The following PCNX2 variants were observed in gnomAD, a reference collection of about 807,000 sequenced individuals.
The protein encoded by PCNX2 is pecanex 2.
In PCNX2, 168 loss-of-function variants were observed where a neutral mutation model predicts 223.8. The observed-to-expected ratio is 0.75, with a 90% CI of 0.66 to 0.85. The LOEUF (loss-of-function observed/expected upper bound fraction) is 0.85, where lower values mean the gene tolerates loss of function less well. PCNX2 is among the 40% of genes least tolerant of loss of function. The probability of loss-of-function intolerance (pLI) is 0.00; values close to 1 mark genes in which losing one functional copy is unlikely to be tolerated. For missense variants in PCNX2, 2,507 were observed against 2,675.5 expected, an observed-to-expected ratio of 0.94 and a Z score of 1.39; for synonymous variants, 1,006 against 1,052.6, an observed-to-expected ratio of 0.96 and a Z score of 0.86.
intron 28 of PCNX2, among the ~76,000 whole-genome samples, chr1:233,004,944 C>T (rs1405042556): frequency 6.6e-6 from 1 of 152,172 alleles, no homozygotes; most frequent in Admixed American, 6.5e-5. Context: ...CTATCAAAAG[C>T]TTTCTGGGGC....
intron 16 of PCNX2, among the ~76,000 whole-genome samples, chr1:233,178,101 G>A (rs955090879): frequency 6.6e-6 from 1 of 152,232 alleles, no homozygotes; most frequent in Non-Finnish European, 1.5e-5. Context: ...AATGAGAGCA[G>A]TCAAGTACCT....
the PCNX2 span, among the ~76,000 whole-genome samples, chr1:233,313,635 T>C: frequency 6.6e-6 from 1 of 152,054 alleles, no homozygotes; most frequent in Admixed American, 6.6e-5. Context: ...AGAAAAAATC[T>C]AGACAAATCA....
At chr1:233,055,606 T>C (rs937342468) in intron 24 of PCNX2, among the ~76,000 whole-genome samples, 3 of 152,098 alleles carry the variant, frequency 2.0e-5, no homozygotes, top group African/African-American at 4.8e-5. Flanking sequence ...GGAGTAAGCA[T>C]TGGGAGAAGC....
At chr1:233,071,723 A>C (rs935222744) in intron 23 of PCNX2, among the ~76,000 whole-genome samples, 1 of 152,166 alleles carries the variant, frequency 6.6e-6, no homozygotes, top group Non-Finnish European at 1.5e-5. Context: ...GAATTGCCAC[A>C]CTGATTTCCA....
chr1:233,273,506 C>T, intron 1 of PCNX2, among the ~76,000 whole-genome samples: 1 of 152,156 alleles, frequency 6.6e-6, no homozygotes, highest in East Asian at 1.9e-4. Flanking sequence ...TCCTTCTTTC[C>T]TTCTATCCAA....
At chr1:232,985,971 T>C (rs1220127828) in intron 33 of PCNX2, 121 bp downstream of exon 33, 7 of 1,108,246 alleles carry the variant, frequency 6.3e-6, no homozygotes, top group East Asian at 2.6e-5. Context: ...GGGAGCCCCA[T>C]AGAGAAGGGG....
intron 9 of PCNX2, 151 bp from the exon 10 acceptor site, chr1:233,227,522 T>TTGGTTTACATATCAG: frequency 2.6e-6 from 1 of 391,770 alleles, no homozygotes; most frequent in Non-Finnish European, 3.5e-6. Flanking sequence ...TTCTGATATG[T>TTGGTTTACATATCAG]AAACCAACAT....
the PCNX2 span, among the ~76,000 whole-genome samples, chr1:233,304,149 G>A: frequency 3.3e-4 from 50 of 152,316 alleles, no homozygotes; most frequent in East Asian, 9.1e-3. Flanking sequence ...AATATAAAGT[G>A]ATGCATTTCC....
chr1:233,174,432 TTAAC>T (rs1264048996), intron 17 of PCNX2, among the ~76,000 whole-genome samples: 1 of 150,760 alleles, frequency 6.6e-6, no homozygotes, highest in East Asian at 1.9e-4. Context: ...CCGTGCATGT[TTAAC>T]TAAGAAATAT....
chr1:233,045,516 A>G (rs773935581), intron 25 of PCNX2, among the ~76,000 whole-genome samples: 1 of 152,180 alleles, frequency 6.6e-6, no homozygotes, highest in Non-Finnish European at 1.5e-5. Flanking sequence ...CCTAATAGTT[A>G]CAGCAGCTAG....
chr1:233,113,085 GGC>G (rs1336983448), intron 21 of PCNX2: 1 of 1,149,242 alleles, frequency 8.7e-7, no homozygotes, highest in African/African-American at 1.6e-5. Context: ...TGCAGCCACA[GGC>G]TGTGGTCACA....
chr1:233,245,617 T>TA (rs936741885), intron 8 of PCNX2, among the ~76,000 whole-genome samples: 2 of 152,006 alleles, frequency 1.3e-5, no homozygotes, highest in Non-Finnish European at 2.9e-5. Context: ...GTGGTGTTGT[T>TA]AAAAAAAATT....
chr1:233,227,184 G>A (rs701176), intron 10 of PCNX2, 42 bp downstream of exon 10: 370,429 of 1,555,390 alleles, frequency 0.24, 49,952 homozygotes, highest in East Asian at 0.54. Context: ...TCACGTCCCC[G>A]GTGTGCCTTC....
intron 1 of PCNX2, among the ~76,000 whole-genome samples, chr1:233,279,389 T>TTGTGTGTGTG (rs57288356): frequency 1.6e-3 from 231 of 142,674 alleles, no homozygotes; most frequent in African/African-American, 3.1e-3. Context: ...TAATTTGTGT[T>TTGTGTGTGTG]TGTGTGTGTG....
chr1:232,986,183 G>T lies in PCNX2; in HGVS notation c.6149C>A (p.Ala2050Glu). Residue 2050 changes from alanine (A) to glutamate (E), a missense_variant, in exon 33 of 34, where the codon GCG becomes GAG. Coordinates refer to ENST00000258229, the MANE Select transcript of PCNX2 (RefSeq NM_014801.4). ...GGTGTCACTGGTATTGCCCCCCTCCGCAGCAGAGAGTCCGGAAATGACGAG... is the reference window on the plus strand; with the variant it reads ...GGTGTCACTGGTATTGCCCCCCTCCTCAGCAGAGAGTCCGGAAATGACGAG... ...SALVISGLSA[A>E]EGGNTSDTQS... The T allele has an allele frequency of 9.6e-6, 15 of 1,561,824 alleles. No individual in the cohort carries two copies. Among genetic ancestry groups the T allele is most frequent in the Non-Finnish European group, 1.3e-5 (15 of 1,152,274 alleles).
chr1:233,161,327 C>T lies in PCNX2; in HGVS notation c.3310G>A (p.Val1104Met), dbSNP rs1326962941. 2 of 1,613,940 alleles carry T rather than the reference C, an allele frequency of 1.2e-6. No homozygotes were observed. Among genetic ancestry groups the T allele is most frequent in the Non-Finnish European group, 1.7e-6 (2 of 1,179,854 alleles). ...VLKWDLIVCA[V>M]VAVLSFAVSA... Reference sequence around the variant, plus strand: ...ACTGCAAATGAGAGGACAGCAACCACTGCGCAGACGATGAGATCCCATTTT... The same window carrying T: ...ACTGCAAATGAGAGGACAGCAACCATTGCGCAGACGATGAGATCCCATTTT... The change falls in exon 18 of 34, where the codon GTG (valine) becomes ATG (methionine). Residue 1104 changes from valine to methionine, a missense_variant. Val to Met is a conservative substitution (Grantham distance 21, BLOSUM62 1). Around this residue, in one of 3 missense-constraint regions of PCNX2, gnomAD observed 1,372 missense variants for 1,509.4 expected, o/e 0.91. Coordinates refer to ENST00000258229, the MANE Select transcript of PCNX2 (RefSeq NM_014801.4).
chr1:233,242,875 T>C (rs1416534677), intron 8 of PCNX2, among the ~76,000 whole-genome samples: 1 of 152,232 alleles, frequency 6.6e-6, no homozygotes, highest in Non-Finnish European at 1.5e-5. Context: ...TCTTGTGTTC[T>C]GGGTAATAAA....
At chr1:233,042,696 C>T (rs3820116) in intron 25 of PCNX2, among the ~76,000 whole-genome samples, 29,375 of 152,120 alleles carry the variant, frequency 0.19, 3,806 homozygotes, top group African/African-American at 0.37. Context: ...CACACTAAGG[C>T]TCTAAGGAAG....
intron 15 of PCNX2, among the ~76,000 whole-genome samples, chr1:233,194,066 A>T (rs1004836590): frequency 2.2e-5 from 3 of 136,024 alleles, no homozygotes; most frequent in Non-Finnish European, 4.6e-5. Context: ...TCCTAAGTAA[A>T]ATAAAAAAAA....
Sources: gnomAD v4.1 joint callset for allele counts (sites outside exome capture counted in the v4.1 genomes callset) on GRCh38, gnomAD v4.1.1 for gene constraint, gnomAD v4.1.1 regional missense constraint, MANE v1.5 for transcripts, NCBI Gene and HGNC (gene_info 2026-07-23, HGNC 2026-07-21) for gene names.